Variants in TSPAN13 observed in about 807,000 individuals in gnomAD.
TSPAN13 encodes tetraspanin-13.
Under a neutral mutation model 26.9 loss-of-function variants are expected in TSPAN13, and 18 were observed. The observed-to-expected ratio is 0.67, with a 90% CI of 0.46 to 0.99. The LOEUF is 0.99. Among genes scored for constraint, TSPAN13 ranks in the 50% least tolerant of loss-of-function variants. The pLI is 0.00. For missense variants in TSPAN13, 201 were observed against 249.6 expected, an observed-to-expected ratio of 0.81 and a Z score of 1.31; for synonymous variants, 116 against 98.4, an observed-to-expected ratio of 1.18 and a Z score of -1.06.
In TSPAN13 at chr7:16,783,646, A is replaced by G; in HGVS notation, c.*155A>G. ...ATATATTTTTACTCTATGTTTCTCTACATGTTTTTTTCTTTCCGTTGCTGA... is the reference window on the plus strand; with the variant it reads ...ATATATTTTTACTCTATGTTTCTCTGCATGTTTTTTTCTTTCCGTTGCTGA... On this transcript the variant is annotated 3_prime_UTR_variant, in exon 6 of 6. Transcript: ENST00000262067. 1.4e-6 allele frequency: 1 copy of G among 711,676 alleles called. No individual in the cohort carries two copies. The allele number at this position is 711,676 out of a possible 1,614,324, so 44.1% of individuals were successfully genotyped here.
intron 1 of TSPAN13, among the ~76,000 whole-genome samples, chr7:16,772,748 C>G (rs1013563172): frequency 2.6e-5 from 4 of 152,160 alleles, no homozygotes; most frequent in Non-Finnish European, 5.9e-5. Context: ...GTAATCCCAG[C>G]AATTTGGGAG....
At chr7:16,777,528 C>G (rs1784767723) in intron 3 of TSPAN13, among the ~76,000 whole-genome samples, 1 of 152,172 alleles carries the variant, frequency 6.6e-6, no homozygotes, top group Non-Finnish European at 1.5e-5. Flanking sequence ...CTTGTTAACA[C>G]TCCGAGAATT....
At chr7:16,782,718 A>T (rs956398130) in intron 5 of TSPAN13, among the ~76,000 whole-genome samples, 1 of 152,132 alleles carries the variant, frequency 6.6e-6, no homozygotes, top group Non-Finnish European at 1.5e-5. Flanking sequence ...TTTTGCTGTT[A>T]CTTAAATTTT....
chr7:16,780,433 C>T (rs1784802281), intron 5 of TSPAN13, among the ~76,000 whole-genome samples: 1 of 152,116 alleles, frequency 6.6e-6, no homozygotes, highest in Admixed American at 6.6e-5. Flanking sequence ...CTTCTGACTT[C>T]CCTCTTTAGT....
intron 1 of TSPAN13, among the ~76,000 whole-genome samples, chr7:16,761,685 A>G (rs1466651123): frequency 1.5e-5 from 2 of 136,604 alleles, no homozygotes; most frequent in Non-Finnish European, 3.0e-5. Context: ...CTACCCAGCT[A>G]ATTAATTTTT....
At chr7:16,769,437 T>C (rs1784648507) in intron 1 of TSPAN13, among the ~76,000 whole-genome samples, 1 of 152,182 alleles carries the variant, frequency 6.6e-6, no homozygotes, top group Non-Finnish European at 1.5e-5. Flanking sequence ...TCTTTGTTTA[T>C]TTTAGGTCTT....
chr7:16,761,967 C>G (rs541058877), intron 1 of TSPAN13, among the ~76,000 whole-genome samples: 24 of 152,046 alleles, frequency 1.6e-4, no homozygotes, highest in African/African-American at 5.6e-4. Flanking sequence ...TTAGTGCTAA[C>G]AAAACATTTT....
In TSPAN13 at chr7:16,783,712, C is replaced by T. The variant is rs1204348907; in HGVS notation, c.*221C>T. 3.6e-6 allele frequency: 2 copies of T among 551,356 alleles called. No individual in the cohort carries two copies. The highest frequency in any genetic ancestry group is 1.9e-5 in the African/African-American group (1 of 53,206). The allele number at this position is 551,356 out of a possible 1,614,324, so 34.2% of individuals were successfully genotyped here. A position where few individuals can be genotyped will look rare whatever the true frequency, so the allele number is the denominator to read the frequency against. On this transcript the variant is annotated 3_prime_UTR_variant, in exon 6 of 6. Transcript: ENST00000262067. ...TGTGGTCTCTGAAGCTCGGTGGCAC[C>T]TGGAATTTACTGTATTCATTGTCGG...
In TSPAN13 at chr7:16,776,278, G is replaced by C. The variant is rs376899862; in HGVS notation, c.131G>C (p.Arg44Pro). The change falls in exon 2 of 6, where the codon CGA becomes CCA. Residue 44 changes from arginine (R) to proline (P), a missense_variant. Transcript: ENST00000262067. The stretch of plus-strand genomic sequence containing the variant: ...GGCTTCGGGCTGATTTCCAGTCTCC[G>C]AGTGGTCGGCGTGGTCATTGCAGTG... ...GIGFGLISSL[R>P]VVGVVIAVGI... The C allele has an allele frequency of 4.8e-5, 78 of 1,614,062 alleles. No homozygotes were observed. In the Middle Eastern group the frequency reaches 8.2e-4, roughly 17 times the overall value.
chr7:16,776,285 C>T lies in TSPAN13; in HGVS notation c.138C>T (p.Val46=), dbSNP rs151235165. The T allele has an allele frequency of 3.5e-5, 56 of 1,613,856 alleles. No homozygotes were observed. The African/African-American group carries it at 4.1e-4, about 12-fold the overall frequency. The change falls in exon 2 of 6, where the codon GTC becomes GTT. Residue 46 remains valine (V), a synonymous_variant. Coordinates refer to ENST00000262067, the MANE Select transcript of TSPAN13 (RefSeq NM_014399.4). ...GFGLISSLRV[V]GVVIAVGIFL... is the part of the protein sequence containing the mutation. The stretch of plus-strand genomic sequence containing the variant: ...GGCTGATTTCCAGTCTCCGAGTGGT[C>T]GGCGTGGTCATTGCAGTGGGCATCT...
intron 1 of TSPAN13, among the ~76,000 whole-genome samples, chr7:16,763,761 G>A (rs1784574672): frequency 6.6e-6 from 1 of 152,192 alleles, no homozygotes; most frequent in Non-Finnish European, 1.5e-5. Context: ...TTGTGTGTCT[G>A]CTGCTGCTGA....
intron 1 of TSPAN13, among the ~76,000 whole-genome samples, chr7:16,766,976 G>T (rs943021900): frequency 6.6e-6 from 1 of 151,982 alleles, no homozygotes; most frequent in African/African-American, 2.4e-5. Context: ...TTGTTGCCCA[G>T]GCTGGAGTGC....
At chr7:16,759,855 A>G (rs996293312) in intron 1 of TSPAN13, among the ~76,000 whole-genome samples, 1 of 152,050 alleles carries the variant, frequency 6.6e-6, no homozygotes, top group Non-Finnish European at 1.5e-5. Flanking sequence ...TACCCAGCTA[A>G]TTTTAAAAAA....
chr7:16,768,735 C>T (rs1372046622), intron 1 of TSPAN13, among the ~76,000 whole-genome samples: 1 of 152,148 alleles, frequency 6.6e-6, no homozygotes, highest in Non-Finnish European at 1.5e-5. Context: ...GTGGTTGTCA[C>T]AAGGCTACTT....
intron 1 of TSPAN13, among the ~76,000 whole-genome samples, chr7:16,768,182 G>C (rs1424714290): frequency 6.6e-6 from 1 of 152,196 alleles, no homozygotes; most frequent in African/African-American, 2.4e-5. Context: ...CCAAAGTGCT[G>C]GGATTACAGG....
rs376216878 is a variant in TSPAN13 at position 16,781,992 on chromosome 7, T to G, written c.541-1425T>G. Among the ~76,000 whole-genome samples, 7 of 152,330 alleles carry G rather than the reference T, an allele frequency of 4.6e-5. No individual in the cohort carries two copies. In the East Asian group the frequency reaches 1.3e-3, roughly 29 times the overall value. On this transcript the variant is annotated intron_variant, in intron 5 of 5. Coordinates refer to ENST00000262067, the MANE Select transcript of TSPAN13 (RefSeq NM_014399.4). ...CAGGTTTGAACATGGGCTCTACCACTGAGGACCTGTGTGATTATTTTGTTT... is the reference window on the plus strand; with the variant it reads ...CAGGTTTGAACATGGGCTCTACCACGGAGGACCTGTGTGATTATTTTGTTT...
intron 1 of TSPAN13, among the ~76,000 whole-genome samples, chr7:16,774,718 T>A (rs1336599601): frequency 1.3e-5 from 2 of 152,192 alleles, no homozygotes; most frequent in Non-Finnish European, 2.9e-5. Context: ...CCTCTCCTTG[T>A]CCCTCTGAAA....
intron 1 of TSPAN13, among the ~76,000 whole-genome samples, chr7:16,762,430 A>G (rs1583787438): frequency 6.6e-6 from 1 of 152,132 alleles, no homozygotes; most frequent in Admixed American, 6.6e-5. Flanking sequence ...TGGGAGGAGG[A>G]ATGGTGGCTA....
chr7:16,781,206 T>G (rs1170761883), intron 5 of TSPAN13, among the ~76,000 whole-genome samples: 1 of 152,230 alleles, frequency 6.6e-6, no homozygotes, highest in Non-Finnish European at 1.5e-5. Flanking sequence ...GATGAAAAAT[T>G]AGACGTAGCT....
Sources: gnomAD v4.1 joint callset for allele counts (sites outside exome capture counted in the v4.1 genomes callset) on GRCh38, gnomAD v4.1.1 for gene constraint, MANE v1.5 for transcripts, NCBI Gene and HGNC (gene_info 2026-07-23, HGNC 2026-07-21) for gene names.